The following KMT2E variants were observed in gnomAD, a reference collection of about 807,000 sequenced individuals.
KMT2E encodes lysine methyltransferase 2E (inactive).
A neutral mutation model predicts 184.6 loss-of-function variants in KMT2E; 30 were observed. That is an observed-to-expected ratio of 0.16 (90% confidence interval 0.12 to 0.22). The LOEUF is 0.22. Ranked by LOEUF, KMT2E falls within the 10% of genes least tolerant of loss-of-function variation. The probability of loss-of-function intolerance (pLI) is 1.00; values close to 1 mark genes in which losing one functional copy is unlikely to be tolerated. For synonymous variants in KMT2E, 815 were observed against 776.5 expected, an observed-to-expected ratio of 1.05 and a Z score of -0.82; for missense variants, 2,023 against 2,237.4, an observed-to-expected ratio of 0.90 and a Z score of 1.93.
At chr7:105,024,062 ATGT>A (rs1472149580) in intron 1 of KMT2E, among the ~76,000 whole-genome samples, 2 of 152,178 alleles carry the variant, frequency 1.3e-5, no homozygotes, top group African/African-American at 4.8e-5. Context: ...TTATAGCAAA[ATGT>A]TGGTAGTGAA....
At chr7:105,101,807 G>A (rs1469944655) in intron 16 of KMT2E, 79 bp from the exon 17 acceptor site, 1 of 1,207,832 alleles carries the variant, frequency 8.3e-7, no homozygotes, top group Non-Finnish European at 1.1e-6. Context: ...GTTGGCTTCT[G>A]AAGTAGAATA....
chr7:105,015,130 C>G (rs1458915006), intron 1 of KMT2E, among the ~76,000 whole-genome samples: 1 of 152,078 alleles, frequency 6.6e-6, no homozygotes, highest in East Asian at 1.9e-4. Flanking sequence ...AGTGGTCACC[C>G]CAGTACCCAG....
intron 1 of KMT2E, among the ~76,000 whole-genome samples, chr7:105,029,804 CAG>C (rs3050759): frequency 0.32 from 48,716 of 151,868 alleles, 7,988 homozygotes; most frequent in Non-Finnish European, 0.36. Flanking sequence ...GTAAATCAAA[CAG>C]AAATGAAAAA....
intron 3 of KMT2E, among the ~76,000 whole-genome samples, chr7:105,042,701 A>T (rs1342199280): frequency 1.3e-5 from 2 of 152,228 alleles, no homozygotes; most frequent in African/African-American, 4.8e-5. Flanking sequence ...ACTGAGGACA[A>T]TTGTCATACC....
chr7:105,041,845 G>A (rs1464759805), intron 3 of KMT2E, among the ~76,000 whole-genome samples: 2 of 152,006 alleles, frequency 1.3e-5, no homozygotes, highest in Non-Finnish European at 1.5e-5. Context: ...ACACTTAATC[G>A]ACTATGAAGA....
chr7:105,054,768 GC>G (rs1796507415), intron 3 of KMT2E, among the ~76,000 whole-genome samples: 1 of 152,156 alleles, frequency 6.6e-6, no homozygotes, highest in Non-Finnish European at 1.5e-5. Context: ...ACCTGCCTTG[GC>G]CTCCCAAAGT....
chr7:105,110,975 G>C, intron 26 of KMT2E, 107 bp downstream of exon 26: 1 of 737,814 alleles, frequency 1.4e-6, no homozygotes, highest in South Asian at 1.7e-5. Flanking sequence ...GTATCAACTT[G>C]TGACTTCTGG....
chr7:105,042,404 A>G (rs1042224794), intron 3 of KMT2E, among the ~76,000 whole-genome samples: 1 of 152,186 alleles, frequency 6.6e-6, no homozygotes, highest in Non-Finnish European at 1.5e-5. Flanking sequence ...AGCTCATTGT[A>G]TTCATATAAT....
In KMT2E at chr7:105,105,539, T is replaced by C. The variant is rs749108757; in HGVS notation, c.2297T>C (p.Val766Ala). The stretch of plus-strand genomic sequence containing the variant: ...CTACGCATAACTACAGATCCTGAAG[T>C]GTTAGCTACACAACTCAATTCTTTA... Reference protein sequence around the residue: ...RPLRITTDPEVLATQLNSLPG... With the variant: ...RPLRITTDPEALATQLNSLPG... The change falls in exon 18 of 27, where the codon GTG becomes GCG. Residue 766 changes from valine to alanine, a missense_variant. Val to Ala is a moderately conservative substitution (Grantham distance 64, BLOSUM62 0). Transcript: ENST00000311117. The C allele has an allele frequency of 3.4e-5, 55 of 1,613,978 alleles. No individual in the cohort carries two copies. Among genetic ancestry groups the C allele is most frequent in the Non-Finnish European group, 4.3e-5 (51 of 1,179,978 alleles).
chr7:105,097,376 C>G (rs1264512617), intron 15 of KMT2E, among the ~76,000 whole-genome samples: 1 of 151,832 alleles, frequency 6.6e-6, no homozygotes, highest in East Asian at 1.9e-4. Flanking sequence ...TGAAAGGGAA[C>G]CTGTTTATTA....
chr7:105,064,534 A>G (rs1442726842), intron 5 of KMT2E, among the ~76,000 whole-genome samples: 1 of 152,156 alleles, frequency 6.6e-6, no homozygotes, highest in East Asian at 1.9e-4. Flanking sequence ...ACATGCAGTT[A>G]GCATTATGTT....
At chr7:105,068,815 T>C (rs1055004959) in intron 6 of KMT2E, among the ~76,000 whole-genome samples, 7 of 152,028 alleles carry the variant, frequency 4.6e-5, no homozygotes, top group Non-Finnish European at 8.8e-5. Flanking sequence ...AAGATATATT[T>C]CATTGAGGAA....
In KMT2E at chr7:105,090,078, A is replaced by G. The variant is rs765711668; in HGVS notation, c.1428A>G (p.Glu476=). 18 of 1,613,734 alleles carry G rather than the reference A, an allele frequency of 1.1e-5. No homozygotes were observed. Among genetic ancestry groups the G allele is most frequent in the Non-Finnish European group, 1.4e-5 (17 of 1,179,916 alleles). ...PECPVLKRSS[E]SMENINSGYE... is the part of the protein sequence containing the mutation. The stretch of plus-strand genomic sequence containing the variant: ...GCCCTGTTCTAAAACGTAGTTCTGA[A>G]TCCATGGAAAATATCAATAGTGGTT... The change falls in exon 14 of 27, where the codon GAA becomes GAG. Residue 476 remains glutamate, a synonymous_variant. Transcript: ENST00000311117.
intron 1 of KMT2E, among the ~76,000 whole-genome samples, chr7:105,027,333 C>G (rs1049487879): frequency 6.6e-6 from 1 of 152,118 alleles, no homozygotes; most frequent in African/African-American, 2.4e-5. Context: ...AAACAGTCCT[C>G]CCACCTCAGC....
intron 13 of KMT2E, chr7:105,089,222 G>A: frequency 2.5e-6 from 1 of 399,718 alleles, no homozygotes; most frequent in Non-Finnish European, 4.9e-6. Flanking sequence ...TTTTCTGGAT[G>A]CAGTCTCACT....
At position 105,014,819 on chromosome 7, in the gene KMT2E, C is replaced by T. The variant is rs574936698; in HGVS notation, c.-189+284C>T. Among the ~76,000 whole-genome samples the T allele has an allele frequency of 5.3e-5, 8 of 152,214 alleles. No homozygotes were observed. In the East Asian group the frequency reaches 1.3e-3, roughly 26 times the overall value. On this transcript the variant is annotated intron_variant, in intron 1 of 26. Coordinates refer to ENST00000311117, the MANE Select transcript of KMT2E (RefSeq NM_182931.3). ...GGGGGAGTTAGGGAGGGGGCGCACT[C>T]CTCATTGGCAGCGGGTTAAGGCCGC...
Position 105,062,195 on chromosome 7 carries a change from G to T in KMT2E, c.103G>T (p.Val35Phe), listed in dbSNP as rs1303754526. 6.2e-7 allele frequency: 1 copy of T among 1,613,264 alleles called. No homozygotes were observed. The highest frequency in any genetic ancestry group is 8.5e-7 in the Non-Finnish European group (1 of 1,179,444). ...PESVEASPVV[V>F]EKSNSYPHQL... The stretch of plus-strand genomic sequence containing the variant: ...ATCCGTAGAAGCTAGCCCTGTGGTA[G>T]TTGAGAAATCCAACAGTTATCCCCA... The change falls in exon 4 of 27, where the codon GTT becomes TTT. Residue 35 changes from valine to phenylalanine, a missense_variant. Around this residue, in one of 8 missense-constraint regions of KMT2E, gnomAD observed 63 missense variants for 68.9 expected, o/e 0.91. Transcript: ENST00000311117.
At chr7:105,107,265 CTAT>C in intron 21 of KMT2E, 43 bp downstream of exon 21, 1 of 1,500,720 alleles carries the variant, frequency 6.7e-7, no homozygotes, top group South Asian at 1.2e-5. Flanking sequence ...AGTTTTTTTC[CTAT>C]TACATTGTTT....
chr7:105,095,800 T>TA (rs1356247513), intron 15 of KMT2E, among the ~76,000 whole-genome samples: 1 of 152,200 alleles, frequency 6.6e-6, no homozygotes, highest in African/African-American at 2.4e-5. Flanking sequence ...ACCAGGGCAC[T>TA]ACTGAGTGTC....
Sources: allele counts gnomAD v4.1 joint callset (sites outside exome capture counted in the v4.1 genomes callset), GRCh38; gene constraint gnomAD v4.1.1; regional missense constraint gnomAD v4.1.1; transcripts MANE v1.5; gene names NCBI Gene and HGNC (gene_info 2026-07-23, HGNC 2026-07-21).